The following EEIG2 variants were observed in gnomAD, a reference collection of about 807,000 sequenced individuals.
EEIG2 encodes family with sequence similarity 102 member B.
the EEIG2 span, among the ~76,000 whole-genome samples, chr1:108,577,555 A>C: frequency 3.2e-5 from 1 of 31,292 alleles, no homozygotes; most frequent in African/African-American, 7.3e-5. Flanking sequence ...TTAAATAGGG[A>C]ATCCTTTCCC....
the EEIG2 span, chr1:108,637,527 A>C: frequency 6.6e-6 from 1 of 152,122 alleles, no homozygotes; most frequent in Non-Finnish European, 1.5e-5. Flanking sequence ...ACTTCTGTTT[A>C]TGTTTTGAGT....
chr1:108,610,460 G>A, the EEIG2 span, among the ~76,000 whole-genome samples: 1 of 152,202 alleles, frequency 6.6e-6, no homozygotes. Context: ...GTCATCAGCA[G>A]AGAGTGAGGA....
the EEIG2 span, among the ~76,000 whole-genome samples, chr1:108,620,279 T>C: frequency 6.6e-6 from 1 of 152,196 alleles, no homozygotes; most frequent in Non-Finnish European, 1.5e-5. Flanking sequence ...AATCCTAGTT[T>C]TAATATTTTC....
chr1:108,637,714 A>G, the EEIG2 span: 5 of 152,202 alleles, frequency 3.3e-5, no homozygotes, highest in Admixed American at 2.6e-4. Flanking sequence ...GAAAAAGACT[A>G]ATGGTATTTC....
At chr1:108,593,022 G>A in the EEIG2 span, among the ~76,000 whole-genome samples, 1 of 152,056 alleles carries the variant, frequency 6.6e-6, no homozygotes, top group Non-Finnish European at 1.5e-5. Context: ...GCTAGGCATG[G>A]TGGCACACAC....
At chr1:108,626,189 A>G in the EEIG2 span, 3 of 152,110 alleles carry the variant, frequency 2.0e-5, no homozygotes, top group African/African-American at 7.2e-5. Flanking sequence ...AATACCATCT[A>G]TACCCTTGGC....
At chr1:108,632,946 A>AAT in the EEIG2 span, among the ~76,000 whole-genome samples, 34 of 132,176 alleles carry the variant, frequency 2.6e-4, 1 homozygote, top group African/African-American at 7.7e-4. Flanking sequence ...CATGCCCAGC[A>AAT]TTTTTTTTTT....
chr1:108,610,167 T>C, the EEIG2 span, among the ~76,000 whole-genome samples: 1 of 152,220 alleles, frequency 6.6e-6, no homozygotes, highest in Non-Finnish European at 1.5e-5. Context: ...TTGTTTTCTT[T>C]TGTTCATTAA....
the EEIG2 span, among the ~76,000 whole-genome samples, chr1:108,600,371 A>T: frequency 0.97 from 148,129 of 152,232 alleles, 72,187 homozygotes; most frequent in Non-Finnish European, 1. Context: ...TCCAGTTTCC[A>T]GTGGATAATT....
chr1:108,573,009 A>T, the EEIG2 span, among the ~76,000 whole-genome samples: 1 of 152,158 alleles, frequency 6.6e-6, no homozygotes, highest in Non-Finnish European at 1.5e-5. Context: ...TCATCTACAT[A>T]TCTTAGTTGC....
chr1:108,614,399 A>T, the EEIG2 span, among the ~76,000 whole-genome samples: 3 of 151,882 alleles, frequency 2.0e-5, no homozygotes, highest in African/African-American at 7.3e-5. Flanking sequence ...TGGCAGTCAT[A>T]CTCTACTTCC....
chr1:108,575,634 G>C, the EEIG2 span, among the ~76,000 whole-genome samples: 1 of 152,168 alleles, frequency 6.6e-6, no homozygotes, highest in Non-Finnish European at 1.5e-5. Flanking sequence ...TCAGCAATAA[G>C]ATGAAATGAA....
At chr1:108,561,030 A>G in the EEIG2 span, among the ~76,000 whole-genome samples, 2 of 152,224 alleles carry the variant, frequency 1.3e-5, no homozygotes, top group African/African-American at 4.8e-5. Flanking sequence ...AGGCCTGGCC[A>G]GGCTTGACTT....
At chr1:108,633,897 G>A in the EEIG2 span, among the ~76,000 whole-genome samples, 11 of 152,136 alleles carry the variant, frequency 7.2e-5, no homozygotes, top group Admixed American at 1.3e-4. Flanking sequence ...CACTCAGAGA[G>A]ACCAGCAGGC....
At chr1:108,590,387 A>G in the EEIG2 span, among the ~76,000 whole-genome samples, 1 of 152,210 alleles carries the variant, frequency 6.6e-6, no homozygotes, top group East Asian at 1.9e-4. Flanking sequence ...ATCTTTCCTT[A>G]TAAATTTGAC....
chr1:108,621,048 T>C, the EEIG2 span, among the ~76,000 whole-genome samples: 1 of 290 alleles, frequency 3.4e-3, no homozygotes, highest in Admixed American at 0.071. Context: ...GAGAGAAAAC[T>C]GTGCACAAGT....
At chr1:108,583,297 A>G in the EEIG2 span, among the ~76,000 whole-genome samples, 29 of 152,110 alleles carry the variant, frequency 1.9e-4, no homozygotes, top group East Asian at 5.4e-3. Flanking sequence ...GGTGCACACC[A>G]CCACACCTGC....
At chr1:108,584,107 G>A in the EEIG2 span, among the ~76,000 whole-genome samples, 1 of 152,188 alleles carries the variant, frequency 6.6e-6, no homozygotes, top group African/African-American at 2.4e-5. Flanking sequence ...TGAAGGAGCA[G>A]AAGTGTGGAG....
At chr1:108,603,204 C>G in the EEIG2 span, among the ~76,000 whole-genome samples, 1 of 152,188 alleles carries the variant, frequency 6.6e-6, no homozygotes, top group African/African-American at 2.4e-5. Context: ...TTTGGCATTG[C>G]TTTTACCCTC....
Sources: gnomAD v4.1 joint callset for allele counts (sites outside exome capture counted in the v4.1 genomes callset) on GRCh38, gnomAD v4.1.1 for gene constraint, MANE v1.5 for transcripts, NCBI Gene and HGNC (gene_info 2026-07-23, HGNC 2026-07-21) for gene names.